Variants in NUP205 observed in about 807,000 individuals in gnomAD.
The protein encoded by NUP205 is nucleoporin 205, also known as nuclear pore complex protein Nup205.
A neutral mutation model predicts 253.8 loss-of-function variants in NUP205; 76 were observed. The observed-to-expected ratio is 0.30, with a 90% confidence interval of 0.25 to 0.36. NUP205 has a LOEUF of 0.36. Among genes scored for constraint, NUP205 ranks in the 10% least tolerant of loss-of-function variants. The pLI is 1.00. For synonymous variants in NUP205, 832 were observed against 850.1 expected, an observed-to-expected ratio of 0.98 and a Z score of 0.37; for missense variants, 2,162 against 2,425.5, an observed-to-expected ratio of 0.89 and a Z score of 2.28.
intron 13 of NUP205, 78 bp from the exon 14 acceptor site, chr7:135,597,290 G>A: frequency 9.9e-7 from 1 of 1,006,600 alleles, no homozygotes; most frequent in Non-Finnish European, 1.6e-6. Flanking sequence ...TGAGGTATGT[G>A]ACTATTATAT....
intron 1 of NUP205, among the ~76,000 whole-genome samples, chr7:135,570,121 C>A (rs1479267554): frequency 7.3e-6 from 1 of 137,068 alleles, no homozygotes; most frequent in Non-Finnish European, 1.5e-5. Flanking sequence ...AGGTTATTTC[C>A]CTTGTTCCAG....
chr7:135,570,906 A>AATATATTATATATTATATATTTATATG (rs1563110385), intron 1 of NUP205, among the ~76,000 whole-genome samples, 199 bp from the exon 2 acceptor site: 8 of 96,224 alleles, frequency 8.3e-5, no homozygotes, highest in Non-Finnish European at 1.1e-4. Flanking sequence ...ATATTTATAT[A>AATATATTATATATTATATATTTATATG]TAATATATTA....
At chr7:135,637,797 C>T in intron 36 of NUP205, 134 bp from the exon 37 acceptor site, 2 of 687,020 alleles carry the variant, frequency 2.9e-6, no homozygotes, top group Non-Finnish European at 4.4e-6. Flanking sequence ...TTTTAGTTGG[C>T]TCAGTTTTAA....
rs1162451934 is a variant in NUP205 at position 135,600,110 on chromosome 7, CCT to C, written c.2275-759_2275-758del. 7.2e-5 allele frequency among the ~76,000 whole-genome samples: 11 copies of C among 152,122 alleles called. No homozygotes were observed. In the South Asian group the frequency reaches 2.1e-3, roughly 29 times the overall value. ...TTAAAATAGTAATTCATAAAACCAC[CCT>C]GTCTGCAATGACCAAACCCAGTCTT... On this transcript the variant is annotated intron_variant, in intron 15 of 42. Coordinates refer to ENST00000285968, the MANE Select transcript of NUP205 (RefSeq NM_015135.3).
rs1344832678 is a variant in NUP205, at chr7:135,600,864, C to T, written c.2275-6C>T. The T allele has an allele frequency of 6.3e-7, 1 of 1,577,234 alleles. No individual in the cohort carries two copies. The highest frequency in any genetic ancestry group is 2.2e-5 in the East Asian group (1 of 44,490). On this transcript the variant is annotated splice_polypyrimidine_tract_variant and splice_region_variant and intron_variant, in intron 15 of 42. Coordinates refer to ENST00000285968, the MANE Select transcript of NUP205 (RefSeq NM_015135.3). ...TTGTTATTGACCTATTTATATCTTT[C>T]TATAGTGGGAAGTTGCTGAGGTGGT...
chr7:135,616,620 C>G (rs766919913), intron 24 of NUP205, 35 bp from the exon 25 acceptor site: 6 of 1,271,980 alleles, frequency 4.7e-6, no homozygotes, highest in Non-Finnish European at 6.5e-6. Context: ...GTATGTTCTT[C>G]TTTTTCTGAT....
Position 135,604,451 on chromosome 7 carries a change from A to T in NUP205, c.2814A>T (p.Thr938=), listed in dbSNP as rs780690671. Residue 938 remains threonine, a synonymous_variant, in exon 19 of 43, where the codon ACA becomes ACT. Coordinates refer to ENST00000285968, the MANE Select transcript of NUP205 (RefSeq NM_015135.3). ...AGATAAAGTTGGTTGGAGATTTCAC[A>T]CATGACCAGGTAACTGATTTTGTTG... ...NIQIKLVGDF[T]HDQSISQKLM... 1.9e-6 allele frequency: 3 copies of T among 1,604,434 alleles called. No individual in the cohort carries two copies.
chr7:135,628,215 C>A, intron 34 of NUP205, 104 bp downstream of exon 34: 1 of 1,127,288 alleles, frequency 8.9e-7, no homozygotes, highest in Non-Finnish European at 1.2e-6. Flanking sequence ...TACGTTAGTC[C>A]TAATGTTTGT....
rs563248107 is a variant in NUP205, at chr7:135,586,052, A to G, written c.1218+1045A>G. Among the ~76,000 whole-genome samples the G allele has an allele frequency of 9.8e-5, 15 of 152,314 alleles. No homozygotes were observed. The East Asian group carries it at 2.7e-3, about 27-fold the overall frequency. ...CTGTTTTGTGCCAAAGAAGCCATCA[A>G]ATGTTGGCGGGAAGTAAATGAGGGA... On this transcript the variant is annotated intron_variant, in intron 8 of 42. Coordinates refer to ENST00000285968, the MANE Select transcript of NUP205 (RefSeq NM_015135.3).
chr7:135,584,298 G>T (rs780836524), intron 7 of NUP205, among the ~76,000 whole-genome samples: 8 of 152,000 alleles, frequency 5.3e-5, no homozygotes, highest in East Asian at 1.9e-4. Flanking sequence ...CTTATTTTTA[G>T]ATATATATTG....
intron 22 of NUP205, among the ~76,000 whole-genome samples, chr7:135,607,659 C>T (rs1034098470): frequency 2.0e-5 from 3 of 152,158 alleles, no homozygotes; most frequent in African/African-American, 7.2e-5. Flanking sequence ...AAAGTAGCTC[C>T]TTCTGATGGG....
At chr7:135,645,138 A>G in intron 40 of NUP205, 120 bp downstream of exon 40, 1 of 1,082,326 alleles carries the variant, frequency 9.2e-7, no homozygotes, top group Non-Finnish European at 1.3e-6. Flanking sequence ...ATTTTTTCCC[A>G]GTAAATGCCT....
rs556648331 is a variant in NUP205 at position 135,598,160 on chromosome 7, G to C, written c.2227G>C (p.Val743Leu). Reference protein sequence around the residue: ...DPYLQFLRDSVFLRFRTRAYR... With the variant: ...DPYLQFLRDSLFLRFRTRAYR... ...TTATTTGCAGTTCCTTAGAGACTCT[G>C]TGTTTCTACGATTCCGTACAAGAGC... is the stretch of plus-strand genomic sequence containing the variant. The change falls in exon 15 of 43, where the codon GTG becomes CTG. Residue 743 changes from valine to leucine, a missense_variant. Physicochemically the swap from Val to Leu is conservative, Grantham distance 32. Around this residue, in one of 5 missense-constraint regions of NUP205, gnomAD observed 892 missense variants for 957.1 expected, o/e 0.93. Transcript: ENST00000285968. The C allele has an allele frequency of 1.2e-6, 2 of 1,613,984 alleles. No individual in the cohort carries two copies. The highest frequency in any genetic ancestry group is 1.7e-5 in the Admixed American group (1 of 59,990).
At chr7:135,642,843 GGTGTGTGT>G (rs57007288) in intron 38 of NUP205, among the ~76,000 whole-genome samples, 12,999 of 144,926 alleles carry the variant, frequency 0.09, 711 homozygotes, top group Non-Finnish European at 0.14. Context: ...GATGTGGAGG[GGTGTGTGT>G]GTGTGTGTGT....
chr7:135,606,092 A>G (rs1401379539), intron 19 of NUP205, 53 bp from the exon 20 acceptor site: 1 of 1,188,462 alleles, frequency 8.4e-7, no homozygotes, highest in Admixed American at 1.8e-5. Flanking sequence ...TAGTTTTTCT[A>G]ATATTTAGAA....
intron 24 of NUP205, 112 bp from the exon 25 acceptor site, chr7:135,616,543 A>G: frequency 1.9e-6 from 1 of 532,052 alleles, no homozygotes. Context: ...GGGCTCTTTG[A>G]TGTAGAAACA....
At chr7:135,608,938 TAAAA>T (rs778595004) in intron 22 of NUP205, among the ~76,000 whole-genome samples, 2 of 151,332 alleles carry the variant, frequency 1.3e-5, no homozygotes, top group Non-Finnish European at 2.9e-5. Context: ...CCATCTCTAC[TAAAA>T]ATACAAAAAA....
chr7:135,648,744 AAAAAC>A (rs749941118), exon 43 of NUP205: 88 of 387,312 alleles, frequency 2.3e-4, no homozygotes, highest in Middle Eastern at 3.3e-3. Context: ...TACTTTTTAA[AAAAAC>A]AAAACAAATG....
chr7:135,576,043 G>A (rs1806140982), intron 3 of NUP205, among the ~76,000 whole-genome samples: 1 of 152,144 alleles, frequency 6.6e-6, no homozygotes, highest in African/African-American at 2.4e-5. Flanking sequence ...TTTGGAAAAT[G>A]GTGAATTCCA....
Sources: allele counts gnomAD v4.1 joint callset (sites outside exome capture counted in the v4.1 genomes callset), GRCh38; gene constraint gnomAD v4.1.1; regional missense constraint gnomAD v4.1.1; transcripts MANE v1.5; gene names NCBI Gene and HGNC (gene_info 2026-07-23, HGNC 2026-07-21).